SEM1: variants seen among roughly 807,000 people sequenced by gnomAD.
The protein encoded by SEM1 is SEM1 26S proteasome subunit.
SEM1 carries 3 observed loss-of-function variants against 12.7 expected under a neutral mutation model. The observed-to-expected ratio is 0.24, with a 90% CI of 0.11 to 0.61. The LOEUF (loss-of-function observed/expected upper bound fraction) is 0.61, where lower values mean the gene tolerates loss of function less well. Ranked by LOEUF, SEM1 falls within the 20% of genes least tolerant of loss-of-function variation. SEM1 has a pLI of 0.88. For missense variants in SEM1, 59 were observed against 81.3 expected (o/e 0.73, Z 1.06); for synonymous variants, 30 against 27.8 (o/e 1.08, Z -0.25).
At chr7:96,697,790 T>C (rs1040869377) in intron 1 of SEM1, among the ~76,000 whole-genome samples, 19 of 152,204 alleles carry the variant, frequency 1.2e-4, no homozygotes, top group African/African-American at 4.3e-4. Flanking sequence ...ATGAGTATGA[T>C]AATGAAGCCA....
chr7:96,655,611 A>G (rs1052617075), intron 2 of SEM1, among the ~76,000 whole-genome samples: 3 of 152,068 alleles, frequency 2.0e-5, no homozygotes, highest in Non-Finnish European at 4.4e-5. Flanking sequence ...TGTACAGTCC[A>G]AAAAGTTTTG....
chr7:96,701,865 T>C (rs1230171544), intron 1 of SEM1, among the ~76,000 whole-genome samples: 7 of 151,934 alleles, frequency 4.6e-5, no homozygotes, highest in Non-Finnish European at 8.8e-5. Flanking sequence ...AATTTGAGAG[T>C]ATCTGTCAAA....
At chr7:96,599,919 A>AT (rs1807145345) in intron 2 of SEM1, among the ~76,000 whole-genome samples, 2 of 152,218 alleles carry the variant, frequency 1.3e-5, no homozygotes, top group African/African-American at 2.4e-5. Context: ...CCTTAAGAAC[A>AT]TGTTAGCTTA....
At chr7:96,550,091 TTTA>T (rs1357372465) in intron 2 of SEM1, among the ~76,000 whole-genome samples, 1 of 151,106 alleles carries the variant, frequency 6.6e-6, no homozygotes, top group Non-Finnish European at 1.5e-5. Context: ...AATATTTTAA[TTTA>T]TTCATTAAAA....
At chr7:96,512,593 A>G (rs1034554616) in intron 2 of SEM1, among the ~76,000 whole-genome samples, 1 of 152,168 alleles carries the variant, frequency 6.6e-6, no homozygotes, top group Non-Finnish European at 1.5e-5. Flanking sequence ...GAGAAAAGGG[A>G]AACGGGCTTG....
At chr7:96,659,817 T>C (rs1788926375) in intron 2 of SEM1, among the ~76,000 whole-genome samples, 1 of 123,134 alleles carries the variant, frequency 8.1e-6, no homozygotes, top group Admixed American at 8.7e-5. Flanking sequence ...ATGGAATAAA[T>C]AAACAAAATA....
chr7:96,485,533 A>G (rs1334224397), intron 2 of SEM1, among the ~76,000 whole-genome samples: 4 of 88,762 alleles, frequency 4.5e-5, no homozygotes, highest in African/African-American at 1.4e-4. Flanking sequence ...CCATCTCTAC[A>G]TTCTTTTTTT....
chr7:96,535,830 T>C (rs1166988761), intron 2 of SEM1, among the ~76,000 whole-genome samples: 1 of 152,062 alleles, frequency 6.6e-6, no homozygotes, highest in Non-Finnish European at 1.5e-5. Flanking sequence ...ATGGTATACA[T>C]GTACCACATT....
chr7:96,584,676 CT>C (rs1223630480), intron 2 of SEM1, among the ~76,000 whole-genome samples: 2 of 150,758 alleles, frequency 1.3e-5, no homozygotes, highest in African/African-American at 4.9e-5. Flanking sequence ...TCTTTTTATT[CT>C]TTTTTCTCTA....
chr7:96,531,870 C>T (rs1041070461), intron 2 of SEM1, among the ~76,000 whole-genome samples: 7 of 152,070 alleles, frequency 4.6e-5, no homozygotes, highest in Non-Finnish European at 7.4e-5. Flanking sequence ...AATCAAGGTA[C>T]TATTTAGTTC....
intron 2 of SEM1, among the ~76,000 whole-genome samples, chr7:96,594,656 C>T (rs1369108012): frequency 6.6e-6 from 1 of 152,160 alleles, no homozygotes; most frequent in African/African-American, 2.4e-5. Context: ...TATTCTAACA[C>T]TGAGAAACAA....
At chr7:96,526,495 A>G (rs549988074) in intron 2 of SEM1, among the ~76,000 whole-genome samples, 90 of 152,100 alleles carry the variant, frequency 5.9e-4, no homozygotes, top group Non-Finnish European at 8.2e-4. Context: ...CCACCACCCA[A>G]ACTAAACCAG....
chr7:96,491,433 C>T (rs552553762), intron 1 of SEM1, among the ~76,000 whole-genome samples: 52 of 152,266 alleles, frequency 3.4e-4, no homozygotes, highest in Admixed American at 7.2e-4. Context: ...TGAAATCATC[C>T]GGGCATTTCT....
At position 96,549,354 on chromosome 7, in the gene SEM1, G is replaced by A. The variant is rs1429567263; in HGVS notation, c.171-42656C>T. 4.6e-5 allele frequency among the ~76,000 whole-genome samples: 7 copies of A among 152,172 alleles called. No homozygotes were observed. In the East Asian group the frequency reaches 5.8e-4, roughly 13 times the overall value. On this transcript the variant is annotated intron_variant and NMD_transcript_variant, in intron 2 of 3. Coordinates refer to the SEM1 transcript ENST00000466986. ...TGCTGAGAGCCCCTGCCAAAAAGGC[G>A]GAGGACTTGGGGCCTTTGACAGACA...
At chr7:96,595,366 G>A (rs948914994) in intron 2 of SEM1, among the ~76,000 whole-genome samples, 2 of 152,000 alleles carry the variant, frequency 1.3e-5, no homozygotes, top group African/African-American at 2.4e-5. Context: ...TTAAAAAACT[G>A]TCCAGCATGG....
chr7:96,677,528 C>G (rs1789484194), intron 2 of SEM1, among the ~76,000 whole-genome samples: 1 of 152,094 alleles, frequency 6.6e-6, no homozygotes, highest in South Asian at 2.1e-4. Context: ...CTTTGATTAA[C>G]TTAAGCAGAA....
At chr7:96,687,185 G>T, downstream of SEM1, among the ~76,000 whole-genome samples, 1 of 152,108 alleles carries the variant, frequency 6.6e-6, no homozygotes, top group African/African-American at 2.4e-5. Context: ...TACACTGTTG[G>T]TGGGACGGTA....
At chr7:96,611,989 C>T (rs1487475366) in intron 2 of SEM1, among the ~76,000 whole-genome samples, 1 of 140,710 alleles carries the variant, frequency 7.1e-6, no homozygotes, top group Non-Finnish European at 1.5e-5. Context: ...CTCTTCCTTA[C>T]CCCCCCAAAT....
intron 2 of SEM1, among the ~76,000 whole-genome samples, chr7:96,537,295 C>CT (rs1280593786): frequency 2.0e-5 from 3 of 151,636 alleles, no homozygotes; most frequent in African/African-American, 7.2e-5. Context: ...GCTTTGAACA[C>CT]TTTTTTTAGA....
Sources: gnomAD v4.1 joint callset for allele counts (sites outside exome capture counted in the v4.1 genomes callset) on GRCh38, gnomAD v4.1.1 for gene constraint, MANE v1.5 for transcripts, NCBI Gene and HGNC (gene_info 2026-07-23, HGNC 2026-07-21) for gene names.